TRAPPC9: variants seen among roughly 807,000 people sequenced by gnomAD.
TRAPPC9 encodes IKK2 binding protein.
TRAPPC9 carries 83 observed loss-of-function variants against 124.0 expected under a neutral mutation model. The observed-to-expected ratio is 0.67, with a 90% CI of 0.56 to 0.80. The LOEUF (loss-of-function observed/expected upper bound fraction) is 0.80, where lower values mean the gene tolerates loss of function less well. Among genes scored for constraint, TRAPPC9 ranks in the 30% least tolerant of loss-of-function variants. The pLI is 0.00. For synonymous variants in TRAPPC9, 638 were observed against 617.5 expected (o/e 1.03, Z -0.49); for missense variants, 1,302 against 1,508.3 (o/e 0.86, Z 2.27).
intron 12 of TRAPPC9, among the ~76,000 whole-genome samples, chr8:140,288,688 CAA>C (rs1286398187): frequency 6.6e-6 from 1 of 151,936 alleles, no homozygotes; most frequent in Non-Finnish European, 1.5e-5. Context: ...GTACATTTAG[CAA>C]AGTGACAGAG....
In TRAPPC9 at chr8:140,024,955, AAGGCATTCC is replaced by A. The variant is rs1840048528; in HGVS notation, c.2557-885_2557-877del. 6.6e-5 allele frequency among the ~76,000 whole-genome samples: 10 copies of A among 152,326 alleles called. No individual in the cohort carries two copies. The South Asian group carries it at 2.1e-3, about 32-fold the overall frequency. ...CAAGAGAAGACTTCCCAGGGCAACC[AAGGCATTCC>A]AGGAGAGGCAGGGTGCTGCACAGTG... On this transcript the variant is annotated intron_variant, in intron 17 of 22. Coordinates refer to ENST00000438773, the MANE Select transcript of TRAPPC9 (RefSeq NM_001160372.4).
At chr8:140,305,308 TGA>T (rs149087680) in intron 10 of TRAPPC9, among the ~76,000 whole-genome samples, 5 of 151,532 alleles carry the variant, frequency 3.3e-5, no homozygotes, top group South Asian at 4.2e-4. Context: ...TTCTTTTTTT[TGA>T]GAGAGAGAGA....
chr8:139,940,353 T>C (rs1046882768), intron 19 of TRAPPC9, among the ~76,000 whole-genome samples: 1 of 152,282 alleles, frequency 6.6e-6, no homozygotes. Flanking sequence ...TGGGGAGTTT[T>C]TGCTATGCTC....
At chr8:139,806,098 G>C (rs1044805510) in intron 21 of TRAPPC9, 2 of 152,216 alleles carry the variant, frequency 1.3e-5, no homozygotes, top group Non-Finnish European at 2.9e-5. Flanking sequence ...ATCATGCCAG[G>C]CACTAAACAT....
At chr8:140,370,549 G>A (rs1198022362) in intron 8 of TRAPPC9, among the ~76,000 whole-genome samples, 2 of 152,138 alleles carry the variant, frequency 1.3e-5, no homozygotes, top group Non-Finnish European at 2.9e-5. Context: ...ATATTACCCT[G>A]CATTAATATT....
chr8:139,751,059 C>T (rs1819277492), intron 21 of TRAPPC9, among the ~76,000 whole-genome samples: 1 of 152,172 alleles, frequency 6.6e-6, no homozygotes, highest in Admixed American at 6.5e-5. Flanking sequence ...GCCAGCAGGG[C>T]TATGGGGTCA....
Position 139,732,215 on chromosome 8 carries a change from C to G in TRAPPC9, c.3056-13G>C, listed in dbSNP as rs779503724. ...TCCACCAGCACATCTGTAAGGGACACGAGACTGTCGGGGGCTGGGCTGGCC... is the reference window on the plus strand; with the variant it reads ...TCCACCAGCACATCTGTAAGGGACAGGAGACTGTCGGGGGCTGGGCTGGCC... On this transcript the variant is annotated splice_polypyrimidine_tract_variant and intron_variant, in intron 21 of 22. Transcript: ENST00000438773. 1 of 1,568,138 alleles carries G rather than the reference C, an allele frequency of 6.4e-7. No homozygotes were observed.
At chr8:139,946,813 T>C (rs1448884529) in intron 19 of TRAPPC9, among the ~76,000 whole-genome samples, 11 of 84,528 alleles carry the variant, frequency 1.3e-4, no homozygotes, top group African/African-American at 2.5e-4. Context: ...ACCCTGTCTC[T>C]GCTAAAAATT....
intron 7 of TRAPPC9, among the ~76,000 whole-genome samples, chr8:140,394,906 T>G (rs1429093604): frequency 6.6e-6 from 1 of 152,160 alleles, no homozygotes; most frequent in Non-Finnish European, 1.5e-5. Context: ...GACCACATCC[T>G]CATTGGCCCT....
chr8:139,893,908 T>G (rs769363088), intron 20 of TRAPPC9, among the ~76,000 whole-genome samples: 11 of 152,246 alleles, frequency 7.2e-5, no homozygotes, highest in Non-Finnish European at 1.2e-4. Context: ...CACCACGTGA[T>G]GCTCACAGAG....
chr8:140,287,781 G>A, intron 12 of TRAPPC9, 47 bp from the exon 13 acceptor site: 1 of 1,612,986 alleles, frequency 6.2e-7, no homozygotes, highest in East Asian at 2.2e-5. Context: ...AACCTACTGT[G>A]TGTGCTCAGT....
At chr8:139,793,699 G>A (rs1429801952) in intron 21 of TRAPPC9, among the ~76,000 whole-genome samples, 4 of 152,226 alleles carry the variant, frequency 2.6e-5, no homozygotes, top group Non-Finnish European at 5.9e-5. Flanking sequence ...TTCAGAGGCT[G>A]TGGCTGTTTA....
At chr8:140,136,859 G>T (rs565000916) in intron 17 of TRAPPC9, among the ~76,000 whole-genome samples, 1 of 152,146 alleles carries the variant, frequency 6.6e-6, no homozygotes, top group East Asian at 1.9e-4. Context: ...CCAAGTCAGA[G>T]GGACAGGACC....
chr8:140,231,274 A>C (rs1426675809), intron 16 of TRAPPC9, among the ~76,000 whole-genome samples: 2 of 152,140 alleles, frequency 1.3e-5, no homozygotes, highest in African/African-American at 4.8e-5. Context: ...ACACTCCCTG[A>C]AGTTGTGTCA....
rs114138213 is a variant in TRAPPC9 at position 140,108,673 on chromosome 8, G to A, written c.2557-84594C>T. On this transcript the variant is annotated intron_variant, in intron 17 of 22. Transcript: ENST00000438773. Reference sequence around the variant, plus strand: ...CTTAGAAGAGCATCTTTCTGATGGTGTTTTTTGTTGGGTTTGTTCTCTGTT... The same window carrying A: ...CTTAGAAGAGCATCTTTCTGATGGTATTTTTTGTTGGGTTTGTTCTCTGTT... 3.8e-3 allele frequency among the ~76,000 whole-genome samples: 586 copies of A among 152,296 alleles called. 5 individuals are homozygous for A. Among genetic ancestry groups the A allele is most frequent in the African/African-American group, 0.013 (540 of 41,552 alleles).
chr8:139,945,708 G>C (rs1371142848), intron 19 of TRAPPC9, among the ~76,000 whole-genome samples: 1 of 152,178 alleles, frequency 6.6e-6, no homozygotes, highest in African/African-American at 2.4e-5. Context: ...TGCTCACCAG[G>C]ATGAAGCTCA....
chr8:140,436,180 T>C (rs573527725), intron 3 of TRAPPC9, among the ~76,000 whole-genome samples: 89 of 152,198 alleles, frequency 5.8e-4, no homozygotes, highest in African/African-American at 2.1e-3. Flanking sequence ...ACCCTGACTC[T>C]ACTAAAAATA....
intron 20 of TRAPPC9, among the ~76,000 whole-genome samples, chr8:139,886,984 C>T (rs531737089): frequency 1.3e-5 from 2 of 152,296 alleles, no homozygotes; most frequent in East Asian, 3.9e-4. Flanking sequence ...GCCCCTGGGT[C>T]TCTCCTGCTG....
intron 19 of TRAPPC9, among the ~76,000 whole-genome samples, chr8:139,920,995 C>T (rs1353762714): frequency 4.6e-5 from 7 of 152,342 alleles, no homozygotes; most frequent in South Asian, 2.1e-4. Flanking sequence ...CCACACCTGC[C>T]GTAACAGGTC....
Sources: gnomAD v4.1 joint callset for allele counts (sites outside exome capture counted in the v4.1 genomes callset) on GRCh38, gnomAD v4.1.1 for gene constraint, MANE v1.5 for transcripts, NCBI Gene and HGNC (gene_info 2026-07-23, HGNC 2026-07-21) for gene names.